Variants in UBE3C observed in about 807,000 individuals in gnomAD.
UBE3C encodes ubiquitin-protein ligase E3C.
A neutral mutation model predicts 129.4 loss-of-function variants in UBE3C; 42 were observed. The ratio of observed to expected loss-of-function variants is 0.32; its 90% confidence interval spans 0.25 to 0.42. The LOEUF (loss-of-function observed/expected upper bound fraction) is 0.42. Ranked by LOEUF, UBE3C falls within the 10% of genes least tolerant of loss-of-function variation. The pLI, the probability that UBE3C is intolerant of heterozygous loss-of-function variation, is 1.00. For synonymous variants in UBE3C, 510 were observed against 492.4 expected, an observed-to-expected ratio of 1.04 and a Z score of -0.47; for missense variants, 1,049 against 1,319.1, an observed-to-expected ratio of 0.80 and a Z score of 3.17.
intron 17 of UBE3C, among the ~76,000 whole-genome samples, chr7:157,230,157 A>C (rs1795984314): frequency 6.7e-6 from 1 of 148,684 alleles, no homozygotes. Context: ...CGATCCGCCC[A>C]CCTCAGCGTC....
At position 157,139,342 on chromosome 7, in the gene UBE3C, A is replaced by G; in HGVS notation, c.66+4A>G. The G allele has an allele frequency of 1.9e-6, 3 of 1,574,806 alleles. No homozygotes were observed. The highest frequency in any genetic ancestry group is 1.7e-5 in the Admixed American group (1 of 57,562). On this transcript the variant is annotated splice_donor_region_variant and intron_variant, in intron 1 of 22. Coordinates refer to ENST00000348165, the MANE Select transcript of UBE3C (RefSeq NM_014671.3). ...CCTTGGCGGCGCGAGCAGGAAGGTG[A>G]GGGCCGGGCTGGCGGGGCGCCCTCG... is the stretch of plus-strand genomic sequence containing the variant.
chr7:157,207,258 C>A, intron 11 of UBE3C, 140 bp from the exon 12 acceptor site: 2 of 1,189,430 alleles, frequency 1.7e-6, no homozygotes, highest in African/African-American at 1.5e-5. Flanking sequence ...GGTGACTTTA[C>A]CTTGCCTTTA....
intron 22 of UBE3C, among the ~76,000 whole-genome samples, chr7:157,259,681 A>G (rs73509667): frequency 0.082 from 12,460 of 152,300 alleles, 1,302 homozygotes; most frequent in African/African-American, 0.24. Context: ...TGAAAGGCAC[A>G]TTTAGAGACA....
intron 22 of UBE3C, among the ~76,000 whole-genome samples, chr7:157,260,491 CAG>C (rs369650562): frequency 6.6e-6 from 1 of 152,128 alleles, no homozygotes; most frequent in South Asian, 2.1e-4. Flanking sequence ...TGTGTGGTGG[CAG>C]AGTCTGGAGG....
rs775430326 is a variant in UBE3C, at chr7:157,201,794, C to T, written c.1405C>T (p.Arg469Trp). ...LWFLISSMST[R>W]MITGSMVPLL... ...GTTTCTAATATCTTCCATGTCAACA[C>T]GGATGATCACAGGGTATGTATTATA... Residue 469 changes from arginine to tryptophan, a missense_variant, in exon 11 of 23, where the codon CGG becomes TGG. This residue lies in a region of UBE3C where 314 missense variants were observed against 416.9 expected (regional missense o/e 0.75). Transcript: ENST00000348165. 6.8e-6 allele frequency: 11 copies of T among 1,610,522 alleles called. No homozygotes were observed. The highest frequency in any genetic ancestry group is 4.5e-5 in the East Asian group (2 of 44,812).
At chr7:157,180,423 A>ATCAG (rs1160862122) in intron 6 of UBE3C, among the ~76,000 whole-genome samples, 1 of 152,240 alleles carries the variant, frequency 6.6e-6, no homozygotes, top group African/African-American at 2.4e-5. Flanking sequence ...TTCACTAGTT[A>ATCAG]TCAGTATACA....
intron 13 of UBE3C, among the ~76,000 whole-genome samples, chr7:157,210,542 A>G (rs528879639): frequency 1.3e-5 from 2 of 152,352 alleles, no homozygotes; most frequent in South Asian, 4.1e-4. Flanking sequence ...TTCTGTGAGA[A>G]AGATACTATA....
intron 1 of UBE3C, among the ~76,000 whole-genome samples, chr7:157,160,294 C>T (rs1193537399): frequency 2.0e-5 from 3 of 152,108 alleles, no homozygotes; most frequent in Non-Finnish European, 4.4e-5. Flanking sequence ...AGGCTGGTCT[C>T]GAACTCCTGA....
chr7:157,220,589 A>G (rs1795710474), intron 14 of UBE3C, 100 bp from the exon 15 acceptor site: 2 of 1,386,182 alleles, frequency 1.4e-6, no homozygotes, highest in Non-Finnish European at 2.0e-6. Flanking sequence ...GGCCCAGCCC[A>G]CGGTAGAGAA....
intron 1 of UBE3C, among the ~76,000 whole-genome samples, chr7:157,140,770 C>T (rs1807421920): frequency 6.6e-6 from 1 of 152,206 alleles, no homozygotes; most frequent in South Asian, 2.1e-4. Flanking sequence ...AGGAGTGCAT[C>T]TCTGCTCTGA....
chr7:157,152,873 TA>T (rs533386551), intron 1 of UBE3C, among the ~76,000 whole-genome samples: 6 of 152,298 alleles, frequency 3.9e-5, no homozygotes, highest in African/African-American at 1.4e-4. Flanking sequence ...CTTTTGGAAC[TA>T]ATTTTTCTTA....
intron 9 of UBE3C, among the ~76,000 whole-genome samples, chr7:157,186,358 G>T (rs927977298): frequency 2.6e-5 from 4 of 151,766 alleles, no homozygotes; most frequent in Non-Finnish European, 5.9e-5. Flanking sequence ...GGCGGAGGTT[G>T]CAGTGAGCCG....
intron 18 of UBE3C, among the ~76,000 whole-genome samples, chr7:157,234,908 T>G (rs945644664): frequency 1.3e-5 from 2 of 152,198 alleles, no homozygotes; most frequent in East Asian, 1.9e-4. Context: ...ATCTTTACAA[T>G]GGGCCAGGCA....
At chr7:157,196,039 T>C (rs1809110977) in intron 10 of UBE3C, among the ~76,000 whole-genome samples, 1 of 152,198 alleles carries the variant, frequency 6.6e-6, no homozygotes, top group South Asian at 2.1e-4. Context: ...GATTATGCAA[T>C]GGGACTAATT....
At chr7:157,207,274 T>A in intron 11 of UBE3C, 124 bp from the exon 12 acceptor site, 1 of 1,362,672 alleles carries the variant, frequency 7.3e-7, no homozygotes, top group Non-Finnish European at 1.0e-6. Context: ...CTTTAAATAG[T>A]TTAATTCCTA....
rs3802123 is a variant in UBE3C at position 157,177,947 on chromosome 7, G to T, written c.459-743G>T. ...GGATTCTGTTTTTTTTTTTTTTTAAGAAAAAGGAAAAACAGCTGTAAAATA... is the reference window on the plus strand; with the variant it reads ...GGATTCTGTTTTTTTTTTTTTTTAATAAAAAGGAAAAACAGCTGTAAAATA... On this transcript the variant is annotated intron_variant, in intron 5 of 22. Transcript: ENST00000348165. Among the ~76,000 whole-genome samples, 380 of 145,806 alleles carry T rather than the reference G, an allele frequency of 2.6e-3. 5 individuals carry two copies. The highest frequency in any genetic ancestry group is 9.7e-3 in the African/African-American group (373 of 38,532).
At chr7:157,252,948 T>A (rs553687828) in intron 19 of UBE3C, among the ~76,000 whole-genome samples, 3 of 152,210 alleles carry the variant, frequency 2.0e-5, no homozygotes, top group African/African-American at 4.8e-5. Context: ...TCTTGCTTTA[T>A]CTCAAACTCC....
At chr7:157,264,240 C>G (rs1021218523) in intron 22 of UBE3C, among the ~76,000 whole-genome samples, 2 of 130,852 alleles carry the variant, frequency 1.5e-5, no homozygotes. Context: ...CGGCCTGTTA[C>G]ACACACACAC....
intron 1 of UBE3C, chr7:157,140,029 A>G (rs1399977501): frequency 1.0e-6 from 1 of 985,306 alleles, no homozygotes; most frequent in Non-Finnish European, 1.2e-6. Flanking sequence ...GTAATTGTTT[A>G]GGATAAGGGT....
Sources: allele counts gnomAD v4.1 joint callset (sites outside exome capture counted in the v4.1 genomes callset), GRCh38; gene constraint gnomAD v4.1.1; regional missense constraint gnomAD v4.1.1; transcripts MANE v1.5; gene names NCBI Gene and HGNC (gene_info 2026-07-23, HGNC 2026-07-21).